Variants in POLR2D observed in about 807,000 individuals in gnomAD.
The protein encoded by POLR2D is RNA polymerase II subunit D.
Under a neutral mutation model 17.6 loss-of-function variants are expected in POLR2D, and 10 were observed. That is an observed-to-expected ratio of 0.57 (90% CI 0.35 to 0.96). POLR2D has a LOEUF of 0.96. POLR2D is among the 40% of genes least tolerant of loss of function. The pLI, the probability that POLR2D is intolerant of heterozygous loss-of-function variation, is 0.02. For missense variants in POLR2D, 126 were observed against 176.4 expected, an observed-to-expected ratio of 0.71 and a Z score of 1.62; for synonymous variants, 52 against 60.2, an observed-to-expected ratio of 0.86 and a Z score of 0.63.
chr2:127,850,709 A>T (rs1162355398), intron 2 of POLR2D, 24 bp from the exon 3 acceptor site: 1 of 1,094,140 alleles, frequency 9.1e-7, no homozygotes, highest in Non-Finnish European at 1.4e-6. Flanking sequence ...AAAAAAAAAA[A>T]TCAAAATAAT....
rs61249327 is a variant in POLR2D, at chr2:127,856,290, CAAAAAAAAA to C, written c.73+1729_73+1737del. Among the ~76,000 whole-genome samples the C allele has an allele frequency of 6.3e-4, 16 of 25,404 alleles. 1 individual carries two copies. The highest frequency in any genetic ancestry group is 2.1e-3 in the African/African-American group (16 of 7,752). The allele number at this position is 25,404 out of a possible 152,430, so 16.7% of individuals were successfully genotyped here. ...TAGGTAGCAGAATGAGATCCCGTCT[CAAAAAAAAA>C]AAAAAAAAAAGGCAGGGTGAGGTGG... On this transcript the variant is annotated intron_variant, in intron 1 of 3. Transcript: ENST00000272645.
intron 1 of POLR2D, among the ~76,000 whole-genome samples, chr2:127,856,461 G>T (rs796730107): frequency 6.6e-6 from 1 of 151,196 alleles, no homozygotes; most frequent in Non-Finnish European, 1.5e-5. Flanking sequence ...ATGGTGGCAG[G>T]CGCCTGTAGT....
chr2:127,847,241 C>T lies in POLR2D; in HGVS notation c.*866G>A, dbSNP rs1236679402. ...CTATCTCAAGGGGCTATGGGCTCCA[C>T]AATACTTAGCACTTGTCCCCAAGTG... On this transcript the variant is annotated 3_prime_UTR_variant, in exon 4 of 4. Coordinates refer to ENST00000272645, the MANE Select transcript of POLR2D (RefSeq NM_004805.4). The T allele has an allele frequency of 1.3e-5, 2 of 152,216 alleles. No individual in the cohort carries two copies. The highest frequency in any genetic ancestry group is 2.9e-5 in the Non-Finnish European group (2 of 68,054). The allele number at this position is 152,216 out of a possible 1,614,324, so 9.4% of individuals were successfully genotyped here. A position where few individuals can be genotyped will look rare whatever the true frequency, so the allele number is the denominator to read the frequency against.
intron 1 of POLR2D, among the ~76,000 whole-genome samples, chr2:127,853,731 G>C (rs1012382994): frequency 6.6e-6 from 1 of 152,044 alleles, no homozygotes; most frequent in Non-Finnish European, 1.5e-5. Context: ...TGTGTTGTTG[G>C]TAGAGATGGG....
intron 1 of POLR2D, chr2:127,857,797 C>T (rs1690363257): frequency 1.5e-6 from 2 of 1,305,046 alleles, no homozygotes; most frequent in Non-Finnish European, 1.9e-6. Context: ...TTATCTTTGA[C>T]ACAGGTCCCC....
In POLR2D at chr2:127,846,763, C is replaced by T; in HGVS notation, c.*1344G>A. On this transcript the variant is annotated 3_prime_UTR_variant, in exon 4 of 4. Transcript: ENST00000272645. ...GGCTTTGGTGGAGGTCATGGGGCAG[C>T]ACCTGCAGGTCTACGTTGGGGTGGA... The T allele has an allele frequency of 6.2e-6, 1 of 160,980 alleles. No homozygotes were observed. Among genetic ancestry groups the T allele is most frequent in the Non-Finnish European group, 1.4e-5 (1 of 72,504 alleles). 10.0% of individuals were successfully genotyped at this position (160,980 alleles called of 1,614,324 possible).
intron 3 of POLR2D, among the ~76,000 whole-genome samples, chr2:127,850,209 G>A (rs1280837888): frequency 6.6e-6 from 1 of 152,152 alleles, no homozygotes; most frequent in Admixed American, 6.5e-5. Context: ...GGGAGGCCGA[G>A]GCGGGTGGAT....
At chr2:127,857,314 T>G (rs941731871) in intron 1 of POLR2D, among the ~76,000 whole-genome samples, 2 of 152,140 alleles carry the variant, frequency 1.3e-5, no homozygotes, top group African/African-American at 4.8e-5. Context: ...CGAGACCCTA[T>G]CTCAATCAAT....
At position 127,843,737 on chromosome 2, in the gene POLR2D, G is replaced by C. The variant is rs1039989779; in HGVS notation, c.*4370C>G. On this transcript the variant is annotated 3_prime_UTR_variant, in exon 4 of 4. Transcript: ENST00000272645. ...ATACATTGAACCCATCACTGATGTA[G>C]TATTAAGAGGTGGGGTCTTTGGCAG... 1 of 153,418 alleles carries C rather than the reference G, an allele frequency of 6.5e-6. No homozygotes were observed. The highest frequency in any genetic ancestry group is 2.4e-5 in the African/African-American group (1 of 41,434). 9.5% of individuals were successfully genotyped at this position (153,418 alleles called of 1,614,324 possible).
intron 1 of POLR2D, among the ~76,000 whole-genome samples, chr2:127,857,336 T>G (rs1217688273): frequency 6.6e-6 from 1 of 151,998 alleles, no homozygotes; most frequent in Non-Finnish European, 1.5e-5. Context: ...AATCAATAAA[T>G]CAATAAAGTG....
chr2:127,854,142 T>C (rs1281572603), intron 1 of POLR2D, among the ~76,000 whole-genome samples: 1 of 152,200 alleles, frequency 6.6e-6, no homozygotes, highest in Non-Finnish European at 1.5e-5. Context: ...CACACACAAA[T>C]GTTATAAGCA....
rs147069479 is a variant in POLR2D, at chr2:127,856,010, A to G, written c.73+2018T>C. ...TTACGACCATTAATAGGCCAGGTGC[A>G]GTGGCTCACACCTATACTTTCTAAC... On this transcript the variant is annotated intron_variant, in intron 1 of 3. Transcript: ENST00000272645. Among the ~76,000 whole-genome samples, 6 of 152,290 alleles carry G rather than the reference A, an allele frequency of 3.9e-5. No individual in the cohort carries two copies. The East Asian group carries it at 9.6e-4, about 24-fold the overall frequency.
intron 3 of POLR2D, among the ~76,000 whole-genome samples, chr2:127,848,800 G>A (rs574723887): frequency 6.6e-6 from 1 of 151,922 alleles, no homozygotes; most frequent in African/African-American, 2.4e-5. Context: ...ACAGGCGTAA[G>A]CCACCACACC....
chr2:127,854,663 A>T (rs1323284248), intron 1 of POLR2D, among the ~76,000 whole-genome samples: 1 of 152,210 alleles, frequency 6.6e-6, no homozygotes, highest in East Asian at 1.9e-4. Context: ...TACTAAATAG[A>T]ATAGGCTGCC....
In POLR2D at chr2:127,858,106, C is replaced by G; in HGVS notation, c.-6G>C. The G allele has an allele frequency of 1.3e-6, 2 of 1,484,478 alleles. No homozygotes were observed. The highest frequency in any genetic ancestry group is 1.8e-6 in the Non-Finnish European group (2 of 1,117,148). 92.0% of individuals were successfully genotyped at this position (1,484,478 alleles called of 1,614,324 possible). A position where few individuals can be genotyped will look rare whatever the true frequency, so the allele number is the denominator to read the frequency against. On this transcript the variant is annotated 5_prime_UTR_variant, in exon 1 of 4. Transcript: ENST00000272645. ...TCGCTGCCACCCGCCGCCATCGCCG[C>G]GCCGCGCCGCGCGCCACCACCAGCG...
At chr2:127,851,199 G>T (rs987402669) in intron 2 of POLR2D, among the ~76,000 whole-genome samples, 3 of 152,100 alleles carry the variant, frequency 2.0e-5, no homozygotes, top group African/African-American at 7.2e-5. Context: ...CTGGGTGACA[G>T]AACTAGACTC....
intron 1 of POLR2D, chr2:127,857,742 T>A: frequency 8.8e-7 from 1 of 1,135,994 alleles, no homozygotes. Flanking sequence ...AACAGTATAT[T>A]ACTGTTTAAA....
rs578156291 is a variant in POLR2D, at chr2:127,847,278, C to T, written c.*829G>A. On this transcript the variant is annotated 3_prime_UTR_variant, in exon 4 of 4. Transcript: ENST00000272645. ...CTTGTCCCCAAGTGTAAACACTTCC[C>T]ATGGCGTGCTTCTTCCGTCTCCCAG... 1.3e-5 allele frequency: 2 copies of T among 152,308 alleles called. No homozygotes were observed. Among genetic ancestry groups the T allele is most frequent in the African/African-American group, 4.8e-5 (2 of 41,566 alleles). The allele number at this position is 152,308 out of a possible 1,614,324, so 9.4% of individuals were successfully genotyped here.
In POLR2D at chr2:127,847,188, A is replaced by G. The variant is rs1690171456; in HGVS notation, c.*919T>C. The G allele has an allele frequency of 6.6e-6, 1 of 152,250 alleles. No homozygotes were observed. Among genetic ancestry groups the G allele is most frequent in the Non-Finnish European group, 1.5e-5 (1 of 68,056 alleles). 9.4% of individuals were successfully genotyped at this position (152,250 alleles called of 1,614,324 possible). A position where few individuals can be genotyped will look rare whatever the true frequency, so the allele number is the denominator to read the frequency against. ...ACCCCAAATCCACATTCTGCAAGAC[A>G]GTTCAAGAAGAAAGGCAAAGTAGCC... is the stretch of plus-strand genomic sequence containing the variant. On this transcript the variant is annotated 3_prime_UTR_variant, in exon 4 of 4. Transcript: ENST00000272645.
Sources: allele counts gnomAD v4.1 joint callset (sites outside exome capture counted in the v4.1 genomes callset), GRCh38; gene constraint gnomAD v4.1.1; transcripts MANE v1.5; gene names NCBI Gene and HGNC (gene_info 2026-07-23, HGNC 2026-07-21).